The following ITGA11 variants were observed in gnomAD, a reference collection of about 807,000 sequenced individuals.
ITGA11 encodes the protein integrin subunit alpha 11, also known as integrin alpha-11.
A neutral mutation model predicts 141.9 loss-of-function variants in ITGA11; 97 were observed. That is an observed-to-expected ratio of 0.68 (90% CI 0.58 to 0.81). The LOEUF (loss-of-function observed/expected upper bound fraction) is 0.81. Ranked by LOEUF, ITGA11 falls within the 30% of genes least tolerant of loss-of-function variation. The pLI is 0.00. For missense variants in ITGA11, 1,387 were observed against 1,559.2 expected, an observed-to-expected ratio of 0.89 and a Z score of 1.86; for synonymous variants, 658 against 624.6, an observed-to-expected ratio of 1.05 and a Z score of -0.80.
At chr15:68,330,900 C>A in intron 15 of ITGA11, 81 bp downstream of exon 15, 2 of 1,539,466 alleles carry the variant, frequency 1.3e-6, no homozygotes, top group Non-Finnish European at 1.8e-6. Flanking sequence ...AGACAAAGAT[C>A]CTGAAGCCTA....
rs1448108375 is a variant in ITGA11, at chr15:68,320,256, C to T, written c.2545G>A (p.Glu849Lys). 2.5e-6 allele frequency: 4 copies of T among 1,614,042 alleles called. No individual in the cohort carries two copies. The highest frequency in any genetic ancestry group is 1.1e-5 in the South Asian group (1 of 91,084). ...AVEATLENRG[E>K]NAYSTVLNIS... is the part of the protein sequence containing the mutation. ...TTTAGGACCGTGCTGTAGGCGTTCT[C>T]GCCCCTGTTCTCCAGTGTGGCCTCC... Residue 849 changes from glutamate (E) to lysine (K), a missense_variant, in exon 20 of 30, where the codon GAG becomes AAG. Transcript: ENST00000315757.
intron 11 of ITGA11, among the ~76,000 whole-genome samples, chr15:68,338,090 G>A (rs1206811059): frequency 6.6e-6 from 1 of 152,206 alleles, no homozygotes; most frequent in Non-Finnish European, 1.5e-5. Context: ...GCTGTTTAAT[G>A]CCTCGAGGCA....
chr15:68,346,914 AG>A (rs1181420976), intron 10 of ITGA11, among the ~76,000 whole-genome samples: 1 of 152,122 alleles, frequency 6.6e-6, no homozygotes, highest in Admixed American at 6.5e-5. Context: ...TCTTCGGATG[AG>A]GGGGGCCTCC....
rs532223242 is a variant in ITGA11, at chr15:68,414,697, T to A, written c.53-11668A>T. On this transcript the variant is annotated intron_variant, in intron 1 of 29. Coordinates refer to ENST00000315757, the MANE Select transcript of ITGA11 (RefSeq NM_001004439.2). ...CAGACTGGCACCGGGGGCACTCCCG[T>A]GGGCAGGCCAACGGCCAGGGCCTCC... Among the ~76,000 whole-genome samples, 3 of 152,302 alleles carry A rather than the reference T, an allele frequency of 2.0e-5. No individual in the cohort carries two copies. In the East Asian group the frequency reaches 5.8e-4, roughly 29 times the overall value.
At chr15:68,355,695 C>T (rs940059005) in intron 7 of ITGA11, among the ~76,000 whole-genome samples, 1 of 152,136 alleles carries the variant, frequency 6.6e-6, no homozygotes, top group Non-Finnish European at 1.5e-5. Context: ...AATCCTCCCA[C>T]CTCAGCCTCC....
intron 2 of ITGA11, among the ~76,000 whole-genome samples, chr15:68,380,187 T>C (rs536642588): frequency 1.3e-5 from 2 of 152,280 alleles, no homozygotes; most frequent in East Asian, 3.9e-4. Flanking sequence ...CAGCTGTGTC[T>C]ACCAGCCACA....
At chr15:68,417,113 A>G (rs1896906892) in intron 1 of ITGA11, among the ~76,000 whole-genome samples, 1 of 151,908 alleles carries the variant, frequency 6.6e-6, no homozygotes, top group Non-Finnish European at 1.5e-5. Flanking sequence ...TGAGGACCCC[A>G]TATTTCACCC....
intron 1 of ITGA11, among the ~76,000 whole-genome samples, chr15:68,414,632 T>C (rs1344916897): frequency 6.6e-6 from 1 of 152,216 alleles, no homozygotes; most frequent in African/African-American, 2.4e-5. Flanking sequence ...TCCTCTGGAC[T>C]TATTTCCAAA....
At chr15:68,373,324 C>T (rs77030856) in intron 2 of ITGA11, among the ~76,000 whole-genome samples, 2,138 of 152,264 alleles carry the variant, frequency 0.014, 50 homozygotes, top group African/African-American at 0.049. Context: ...CAAAGAGGTG[C>T]CCAGTGACCA....
At chr15:68,391,198 C>G (rs1896111502) in intron 2 of ITGA11, among the ~76,000 whole-genome samples, 1 of 152,098 alleles carries the variant, frequency 6.6e-6, no homozygotes, top group African/African-American at 2.4e-5. Flanking sequence ...GGAGGGGGCT[C>G]AGCTCTCGGG....
rs1290481858 is a variant in ITGA11, at chr15:68,303,458, G to T, written c.3495+314C>A. Among the ~76,000 whole-genome samples the T allele has an allele frequency of 6.6e-6, 1 of 152,134 alleles. No homozygotes were observed. Among genetic ancestry groups the T allele is most frequent in the African/African-American group, 2.4e-5 (1 of 41,440 alleles). ...AACCAGAGCTTCAGAGACAGAGATG[G>T]ACTTCGGGAGGTTTGTTAACAGCTT... On this transcript the variant is annotated intron_variant, in intron 29 of 29. Transcript: ENST00000315757. The surrounding 1 kb of genome is among the most constrained non-coding windows in gnomAD (Gnocchi z 5.3).
intron 2 of ITGA11, among the ~76,000 whole-genome samples, chr15:68,385,265 G>A (rs1895957204): frequency 2.6e-5 from 4 of 151,938 alleles, no homozygotes; most frequent in African/African-American, 2.4e-5. Flanking sequence ...GGAGCTACTC[G>A]GACATGCCTT....
chr15:68,354,029 C>T (rs1223188667), intron 7 of ITGA11, among the ~76,000 whole-genome samples: 1 of 152,044 alleles, frequency 6.6e-6, no homozygotes, highest in Non-Finnish European at 1.5e-5. Context: ...TTCAAATCTC[C>T]AATCAAAGGT....
chr15:68,424,533 C>T (rs8036876), intron 1 of ITGA11, among the ~76,000 whole-genome samples: 108,232 of 152,010 alleles, frequency 0.71, 39,753 homozygotes, highest in African/African-American at 0.9. Context: ...GGGGTCTGCA[C>T]GACAGTTTTC....
chr15:68,362,679 A>C (rs1895283767), intron 4 of ITGA11, among the ~76,000 whole-genome samples: 1 of 143,924 alleles, frequency 6.9e-6, no homozygotes, highest in South Asian at 2.1e-4. Context: ...TGGATGGAAG[A>C]TGGATGGAAG....
Position 68,350,777 on chromosome 15 carries a change from C to G in ITGA11, c.900G>C (p.Leu300=). Residue 300 remains leucine (L), a synonymous_variant, in exon 9 of 30, where the codon CTG becomes CTC. Transcript: ENST00000315757. ...TGATCCCCCTGCGGTTGTAGTAGCC[C>G]AGGACCTGCCAGGGAACAGGGGCAG... ...DNVTRYAVAV[L]GYYNRRGINP... 6.2e-7 allele frequency: 1 copy of G among 1,611,522 alleles called. No homozygotes were observed. Among genetic ancestry groups the G allele is most frequent in the Admixed American group, 1.7e-5 (1 of 59,842 alleles).
At position 68,304,895 on chromosome 15, in the gene ITGA11, T is replaced by A. The variant is rs1893142429; in HGVS notation, c.3382-1010A>T. On this transcript the variant is annotated intron_variant, in intron 28 of 29. Transcript: ENST00000315757. The surrounding 1 kb of genome is among the most constrained non-coding windows in gnomAD (Gnocchi z 6.1). ...GAATGTGGCCACCACTCCCACCTCC[T>A]GGGCCTGAGTGCCCTCACATCTCCT... is the stretch of plus-strand genomic sequence containing the variant. 6.6e-6 allele frequency among the ~76,000 whole-genome samples: 1 copy of A among 152,234 alleles called. No individual in the cohort carries two copies. The highest frequency in any genetic ancestry group is 2.4e-5 in the African/African-American group (1 of 41,458).
rs116989363 is a variant in ITGA11, at chr15:68,297,817, C to T, written c.*5242G>A. ...AAATTTAGATTCTCTGTGGCCATTCCAGCCTCTATAGAGATCTGAAAAAAA... is the reference window on the plus strand; with the variant it reads ...AAATTTAGATTCTCTGTGGCCATTCTAGCCTCTATAGAGATCTGAAAAAAA... On this transcript the variant is annotated 3_prime_UTR_variant, in exon 30 of 30. Coordinates refer to ENST00000315757, the MANE Select transcript of ITGA11 (RefSeq NM_001004439.2). The T allele has an allele frequency of 6.6e-6, 1 of 152,238 alleles. No homozygotes were observed. The highest frequency in any genetic ancestry group is 1.9e-4 in the East Asian group (1 of 5,184). 9.4% of individuals were successfully genotyped at this position (152,238 alleles called of 1,614,324 possible). A position where few individuals can be genotyped will look rare whatever the true frequency, so the allele number is the denominator to read the frequency against.
At chr15:68,348,400 C>T (rs190685761) in intron 10 of ITGA11, among the ~76,000 whole-genome samples, 85 of 152,330 alleles carry the variant, frequency 5.6e-4, no homozygotes, top group East Asian at 5.4e-3. Flanking sequence ...ATCCAAAGCA[C>T]GTGCCATTGG....
Sources: allele counts gnomAD v4.1 joint callset (sites outside exome capture counted in the v4.1 genomes callset), GRCh38; gene constraint gnomAD v4.1.1; non-coding constraint Gnocchi (gnomAD v3.1); transcripts MANE v1.5; gene names NCBI Gene and HGNC (gene_info 2026-07-23, HGNC 2026-07-21).